The following SLC25A51 variants were observed in gnomAD, a reference collection of about 807,000 sequenced individuals.
SLC25A51 encodes the protein solute carrier family 25 member 51.
SLC25A51 carries 11 observed loss-of-function variants against 19.1 expected under a neutral mutation model. That is an observed-to-expected ratio of 0.58 (90% CI 0.36 to 0.96). The LOEUF is 0.96. Ranked by LOEUF, SLC25A51 falls within the 40% of genes least tolerant of loss-of-function variation. The pLI, the probability that SLC25A51 is intolerant of heterozygous loss-of-function variation, is 0.01. For synonymous variants in SLC25A51, 105 were observed against 133.6 expected (o/e 0.79, Z 1.47); for missense variants, 201 against 365.4 (o/e 0.55, Z 3.67).
chr9:37,882,704 A>T (rs757823346), downstream of SLC25A51, among the ~76,000 whole-genome samples: 2 of 152,204 alleles, frequency 1.3e-5, no homozygotes, highest in Non-Finnish European at 2.9e-5. Flanking sequence ...TCAATACGGA[A>T]TCCATAACAT....
At chr9:37,897,610 AAATT>A (rs1831747064) in intron 2 of SLC25A51, among the ~76,000 whole-genome samples, 1 of 151,576 alleles carries the variant, frequency 6.6e-6, no homozygotes, top group African/African-American at 2.4e-5. Flanking sequence ...TTCCTGAACA[AAATT>A]AAATTATAAT....
Position 37,887,669 on chromosome 9 carries a change from T to A in SLC25A51, c.882A>T (p.Leu294Phe), listed in dbSNP as rs814051. The change falls in exon 3 of 3, where the codon TTA (leucine) becomes TTT (phenylalanine). Residue 294 changes from leucine (L) to phenylalanine (F), a missense_variant. Coordinates refer to ENST00000242275, the MANE Select transcript of SLC25A51 (RefSeq NM_033412.4). ...GIINATYEFL[L>F]KVI is the part of the protein sequence containing the mutation. ...ACTGATGGTTTTTTCATATAACCTT[T>A]AACAAGAACTCATAAGTTGCATTGA... 6.2e-7 allele frequency: 1 copy of A among 1,609,326 alleles called. No homozygotes were observed. The highest frequency in any genetic ancestry group is 1.3e-5 in the African/African-American group (1 of 74,536).
At chr9:37,884,932 T>C (rs569499256), downstream of SLC25A51, among the ~76,000 whole-genome samples, 2 of 152,354 alleles carry the variant, frequency 1.3e-5, no homozygotes, top group East Asian at 1.9e-4. Flanking sequence ...GGAACTTTCA[T>C]AGCTCCTTGA....
chr9:37,902,966 C>T (rs1831887532), intron 1 of SLC25A51, among the ~76,000 whole-genome samples: 1 of 152,202 alleles, frequency 6.6e-6, no homozygotes, highest in African/African-American at 2.4e-5. Flanking sequence ...CAAGATCAGC[C>T]TGGGTCTAGT....
chr9:37,902,901 A>G (rs1007208050), intron 1 of SLC25A51, among the ~76,000 whole-genome samples: 6 of 152,248 alleles, frequency 3.9e-5, no homozygotes, highest in African/African-American at 7.2e-5. Flanking sequence ...GGTGACTCCA[A>G]TTCTCAAAGG....
chr9:37,885,734 C>A, downstream of SLC25A51: 2 of 1,454,410 alleles, frequency 1.4e-6, no homozygotes, highest in Non-Finnish European at 1.9e-6. Flanking sequence ...TGATGAAGAA[C>A]CGCAGATCCA....
intron 1 of SLC25A51, among the ~76,000 whole-genome samples, chr9:37,901,272 C>A (rs1445319855): frequency 2.0e-5 from 3 of 152,108 alleles, no homozygotes; most frequent in East Asian, 1.9e-4. Flanking sequence ...TGGGTTCAAG[C>A]GATTCTCCTG....
intron 2 of SLC25A51, among the ~76,000 whole-genome samples, chr9:37,898,463 G>A (rs1274042376): frequency 6.6e-6 from 1 of 152,130 alleles, no homozygotes; most frequent in African/African-American, 2.4e-5. Flanking sequence ...GCTGAGGCAG[G>A]AGAATTGCTT....
chr9:37,887,318 A>C (rs1284027013), downstream of SLC25A51, among the ~76,000 whole-genome samples: 2 of 146,736 alleles, frequency 1.4e-5, no homozygotes, highest in Non-Finnish European at 3.0e-5. Context: ...CTCTGCCTCA[A>C]AAAAAAAAAA....
At position 37,898,863 on chromosome 9, in the gene SLC25A51, C is replaced by T. The variant is rs556906823; in HGVS notation, c.-43+966G>A. ...TTCAATCACCTCCACACCTTCCCAC[C>T]GCCAATAACTCAAGAGTCTATCTTA... On this transcript the variant is annotated intron_variant, in intron 2 of 2. Transcript: ENST00000242275. 9.2e-5 allele frequency among the ~76,000 whole-genome samples: 14 copies of T among 152,266 alleles called. No homozygotes were observed. The South Asian group carries it at 2.1e-3, about 23-fold the overall frequency.
downstream of SLC25A51, among the ~76,000 whole-genome samples, chr9:37,885,071 T>G (rs1831418346): frequency 5.9e-5 from 9 of 152,116 alleles, 1 homozygote; most frequent in Admixed American, 3.3e-4. Flanking sequence ...TCTGCCCCTT[T>G]GTCATATGCT....
At chr9:37,885,003 T>A (rs1275455088), downstream of SLC25A51, among the ~76,000 whole-genome samples, 1 of 152,210 alleles carries the variant, frequency 6.6e-6, no homozygotes, top group East Asian at 1.9e-4. Flanking sequence ...GTTTCAAAAC[T>A]AATACAAGCA....
chr9:37,893,368 A>T (rs1457863427), intron 2 of SLC25A51, among the ~76,000 whole-genome samples: 1 of 152,230 alleles, frequency 6.6e-6, no homozygotes, highest in African/African-American at 2.4e-5. Context: ...ATTAGAAAAG[A>T]TGAACTCTTT....
At chr9:37,886,693 C>T (rs1343819330), downstream of SLC25A51, among the ~76,000 whole-genome samples, 1 of 152,198 alleles carries the variant, frequency 6.6e-6, no homozygotes, top group Admixed American at 6.5e-5. Flanking sequence ...CAGACATCTC[C>T]ATGGTTTCTC....
chr9:37,891,282 A>C lies in SLC25A51; in HGVS notation c.-42-2690T>G, dbSNP rs1038356039. 4.6e-5 allele frequency among the ~76,000 whole-genome samples: 7 copies of C among 151,962 alleles called. No homozygotes were observed. In the South Asian group the frequency reaches 1.5e-3, roughly 32 times the overall value. On this transcript the variant is annotated intron_variant, in intron 2 of 2. Transcript: ENST00000242275. ...CCAGCCGCCCCGTCCGGGAGGTGGG[A>C]GGCGCCTCTGCCCGGCAGCCCCTTC...
rs925002098 is a variant in SLC25A51, at chr9:37,898,357, A to G, written c.-43+1472T>C. Among the ~76,000 whole-genome samples, 4 of 152,312 alleles carry G rather than the reference A, an allele frequency of 2.6e-5. No homozygotes were observed. The South Asian group carries it at 8.3e-4, about 32-fold the overall frequency. On this transcript the variant is annotated intron_variant, in intron 2 of 2. Transcript: ENST00000242275. The stretch of plus-strand genomic sequence containing the variant: ...GATCACCTGAGGTCAGGAGTTCAAG[A>G]CCAGCCTGACCAACATGGAGAAATC...
At chr9:37,894,590 T>C (rs756406533) in intron 2 of SLC25A51, among the ~76,000 whole-genome samples, 21 of 152,148 alleles carry the variant, frequency 1.4e-4, no homozygotes, top group Non-Finnish European at 1.3e-4. Flanking sequence ...CCTCCCAAAG[T>C]GCAGGGATTA....
chr9:37,885,339 T>C (rs1363639647), downstream of SLC25A51, among the ~76,000 whole-genome samples: 2 of 72,640 alleles, frequency 2.8e-5, no homozygotes, highest in African/African-American at 6.3e-5. Flanking sequence ...TCTTAGGTAA[T>C]GATAAAAAAA....
intron 1 of SLC25A51, chr9:37,903,511 G>C (rs898833413): frequency 1.1e-4 from 16 of 152,270 alleles, no homozygotes; most frequent in African/African-American, 3.9e-4. Flanking sequence ...AGCACTGCCA[G>C]GCTATGTAGC....
Sources: allele counts gnomAD v4.1 joint callset (sites outside exome capture counted in the v4.1 genomes callset), GRCh38; gene constraint gnomAD v4.1.1; transcripts MANE v1.5; gene names NCBI Gene and HGNC (gene_info 2026-07-23, HGNC 2026-07-21).